The following MYO18B variants were observed in gnomAD, a reference collection of about 807,000 sequenced individuals.
MYO18B encodes the protein myosin XVIIIB, also known as unconventional myosin-XVIIIb.
In MYO18B, 204 loss-of-function variants were observed where a neutral mutation model predicts 273.0. The ratio of observed to expected loss-of-function variants is 0.75; its 90% CI spans 0.67 to 0.84. MYO18B has a LOEUF of 0.84. MYO18B is among the 40% of genes least tolerant of loss of function. The probability of loss-of-function intolerance (pLI) is 0.00; values close to 1 mark genes in which losing one functional copy is unlikely to be tolerated. For synonymous variants in MYO18B, 1,330 were observed against 1,305.7 expected (o/e 1.02, Z -0.40); for missense variants, 3,212 against 3,287.6 (o/e 0.98, Z 0.56).
At chr22:25,923,326 C>T (rs374636208) in intron 34 of MYO18B, among the ~76,000 whole-genome samples, 1 of 152,334 alleles carries the variant, frequency 6.6e-6, no homozygotes, top group East Asian at 1.9e-4. Flanking sequence ...TTAGCACTGC[C>T]AGTCCTGGGT....
chr22:25,750,846 G>A (rs112832944), intron 1 of MYO18B, among the ~76,000 whole-genome samples: 33 of 152,292 alleles, frequency 2.2e-4, no homozygotes, highest in African/African-American at 7.2e-4. Context: ...CCACAGGCAC[G>A]TGAAGGATGG....
At chr22:25,853,234 ATGTGCCTGCG>A (rs777244515) in intron 21 of MYO18B, among the ~76,000 whole-genome samples, 5 of 152,176 alleles carry the variant, frequency 3.3e-5, no homozygotes, top group Non-Finnish European at 5.9e-5. Context: ...TTGCAACTGC[ATGTGCCTGCG>A]TGTGCCTGAG....
chr22:25,998,945 A>G (rs1933637019), intron 40 of MYO18B, among the ~76,000 whole-genome samples: 1 of 152,190 alleles, frequency 6.6e-6, no homozygotes, highest in Non-Finnish European at 1.5e-5. Flanking sequence ...GGATTCACAG[A>G]GAGTCAGGGC....
intron 42 of MYO18B, among the ~76,000 whole-genome samples, chr22:26,010,380 G>A (rs907518632): frequency 3.3e-5 from 5 of 152,120 alleles, no homozygotes; most frequent in African/African-American, 1.2e-4. Context: ...GCAGAAGCAT[G>A]TGGTGGGCTC....
At chr22:25,744,126 T>A (rs1411087044) in intron 1 of MYO18B, among the ~76,000 whole-genome samples, 2 of 152,228 alleles carry the variant, frequency 1.3e-5, no homozygotes, top group Non-Finnish European at 2.9e-5. Flanking sequence ...CTCATGGAAT[T>A]TCCATGTTTC....
At chr22:25,921,082 C>T (rs2092333196) in intron 33 of MYO18B, among the ~76,000 whole-genome samples, 175 bp from the exon 34 acceptor site, 1 of 152,216 alleles carries the variant, frequency 6.6e-6, no homozygotes, top group African/African-American at 2.4e-5. Context: ...TGGTTGGTGC[C>T]AATCCCATTT....
intron 12 of MYO18B, among the ~76,000 whole-genome samples, chr22:25,816,733 T>G (rs2089029530): frequency 6.6e-6 from 1 of 152,222 alleles, no homozygotes; most frequent in African/African-American, 2.4e-5. Context: ...TTGACATGAC[T>G]TTGCCAACAT....
At chr22:25,779,126 G>A (rs1037519633) in intron 8 of MYO18B, among the ~76,000 whole-genome samples, 1 of 152,062 alleles carries the variant, frequency 6.6e-6, no homozygotes, top group African/African-American at 2.4e-5. Flanking sequence ...CATAAAAAGA[G>A]TAAAATTTTT....
intron 22 of MYO18B, among the ~76,000 whole-genome samples, chr22:25,871,395 A>C (rs2091040967): frequency 6.6e-6 from 1 of 152,230 alleles, no homozygotes; most frequent in Non-Finnish European, 1.5e-5. Flanking sequence ...ATCAAGCAGG[A>C]TAACATTTTA....
the MYO18B span, among the ~76,000 whole-genome samples, chr22:26,060,968 G>T: frequency 6.6e-6 from 1 of 151,366 alleles, no homozygotes; most frequent in East Asian, 1.9e-4. Context: ...ATGCACACAT[G>T]AACACACATA....
At chr22:26,034,429 G>A (rs530892353), downstream of MYO18B, among the ~76,000 whole-genome samples, 24 of 152,328 alleles carry the variant, frequency 1.6e-4, no homozygotes, top group African/African-American at 4.6e-4. Flanking sequence ...TGGAAAATAG[G>A]TCTAAACTAG....
At chr22:25,974,461 T>C (rs1334058238) in intron 39 of MYO18B, among the ~76,000 whole-genome samples, 1 of 152,244 alleles carries the variant, frequency 6.6e-6, no homozygotes, top group East Asian at 1.9e-4. Flanking sequence ...TGTTAGCTCC[T>C]AATGCTACAC....
intron 1 of MYO18B, among the ~76,000 whole-genome samples, chr22:25,748,456 C>T (rs1360021071): frequency 6.6e-6 from 1 of 152,032 alleles, no homozygotes; most frequent in Admixed American, 6.5e-5. Flanking sequence ...AGAGCAGACT[C>T]CAAATGTCCT....
rs370758000 is a variant in MYO18B at position 25,815,224 on chromosome 22, G to A, written c.2522-8281G>A. On this transcript the variant is annotated intron_variant, in intron 12 of 43. Coordinates refer to ENST00000335473, the MANE Select transcript of MYO18B (RefSeq NM_032608.7). ...CTCAGCCTGCCTTGGCGAGGGGCAT[G>A]TGAATGTGGAAAGAGCATTAGAGGG... Among the ~76,000 whole-genome samples, 27 of 152,358 alleles carry A rather than the reference G, an allele frequency of 1.8e-4. No homozygotes were observed. In the East Asian group the frequency reaches 1.9e-3, roughly 11 times the overall value.
At chr22:26,058,078 A>C in the MYO18B span, among the ~76,000 whole-genome samples, 1 of 152,240 alleles carries the variant, frequency 6.6e-6, no homozygotes, top group East Asian at 1.9e-4. Flanking sequence ...AACACTGTTC[A>C]AGGTCCTCAA....
At chr22:25,955,768 C>A (rs1287592935) in intron 39 of MYO18B, among the ~76,000 whole-genome samples, 2 of 149,428 alleles carry the variant, frequency 1.3e-5, no homozygotes, top group Admixed American at 1.3e-4. Context: ...CTCATGTCAG[C>A]CCTGTGAAGT....
rs184222187 is a variant in MYO18B, at chr22:25,847,436, C to G, written c.3559C>G (p.Leu1187Val). 2.6e-6 allele frequency: 4 copies of G among 1,567,140 alleles called. No homozygotes were observed. The African/African-American group carries it at 4.1e-5, about 16-fold the overall frequency. Residue 1187 changes from leucine to valine, a missense_variant, in exon 20 of 44, where the codon CTG (leucine) becomes GTG (valine). By Grantham distance (32) the Leu-to-Val change is conservative. Transcript: ENST00000335473. Reference sequence around the variant, plus strand: ...CTCCCTCTATTTGGTCTAGGATGCGCTGACCAGCATGATCAAAAGGTCCCG... The same window carrying G: ...CTCCCTCTATTTGGTCTAGGATGCGGTGACCAGCATGATCAAAAGGTCCCG... ...CSQIKLQMDA[L>V]TSMIKRSRLH... is the part of the protein sequence containing the mutation.
chr22:25,951,202 A>G (rs2092788945), intron 37 of MYO18B, among the ~76,000 whole-genome samples: 1 of 152,264 alleles, frequency 6.6e-6, no homozygotes, highest in South Asian at 2.1e-4. Context: ...ACCCAGGATC[A>G]ATACTTTGTG....
intron 18 of MYO18B, among the ~76,000 whole-genome samples, 154 bp downstream of exon 18, chr22:25,844,048 T>G (rs1156276088): frequency 2.6e-5 from 4 of 152,222 alleles, no homozygotes; most frequent in Non-Finnish European, 5.9e-5. Flanking sequence ...TAACTTGAAT[T>G]GGAGCAGTGC....
Sources: allele counts gnomAD v4.1 joint callset (sites outside exome capture counted in the v4.1 genomes callset), GRCh38; gene constraint gnomAD v4.1.1; transcripts MANE v1.5; gene names NCBI Gene and HGNC (gene_info 2026-07-23, HGNC 2026-07-21).